The following LUZP2 variants were observed in gnomAD, a reference collection of about 807,000 sequenced individuals.
The protein encoded by LUZP2 is leucine zipper protein 2.
Under a neutral mutation model 51.6 loss-of-function variants are expected in LUZP2, and 52 were observed. The observed-to-expected ratio is 1.01, with a 90% CI of 0.81 to 1.27. The LOEUF (loss-of-function observed/expected upper bound fraction) is 1.27. LUZP2 is among the 50% of genes most tolerant of loss of function. LUZP2 has a pLI of 0.00. For missense variants in LUZP2, 436 were observed against 395.4 expected (o/e 1.10, Z -0.87); for synonymous variants, 154 against 137.3 (o/e 1.12, Z -0.85).
intron 5 of LUZP2, among the ~76,000 whole-genome samples, chr11:24,897,572 C>T (rs1853120624): frequency 1.3e-5 from 2 of 152,074 alleles, no homozygotes; most frequent in Non-Finnish European, 1.5e-5. Context: ...CTCCTGAAGC[C>T]AGGGAGACCA....
chr11:24,960,425 A>G (rs1855357651), intron 7 of LUZP2, among the ~76,000 whole-genome samples: 1 of 152,102 alleles, frequency 6.6e-6, no homozygotes, highest in African/African-American at 2.4e-5. Context: ...CCTCAATTTC[A>G]GCTCCTGTTA....
At chr11:25,072,871 A>G (rs1458231456) in intron 10 of LUZP2, among the ~76,000 whole-genome samples, 1 of 151,986 alleles carries the variant, frequency 6.6e-6, no homozygotes, top group Non-Finnish European at 1.5e-5. Context: ...TTTCTCAAGT[A>G]TCTTTTCTTT....
chr11:24,588,456 T>C (rs1476962416), intron 1 of LUZP2, among the ~76,000 whole-genome samples: 1 of 152,072 alleles, frequency 6.6e-6, no homozygotes, highest in Non-Finnish European at 1.5e-5. Flanking sequence ...TAAAAAATGA[T>C]TGCAAAGAAA....
chr11:24,674,413 T>C (rs997047537), intron 1 of LUZP2, among the ~76,000 whole-genome samples: 1 of 152,188 alleles, frequency 6.6e-6, no homozygotes, highest in Non-Finnish European at 1.5e-5. Context: ...TCCAGACAAG[T>C]GTCCCACCTT....
At chr11:24,499,381 A>C (rs1451900820) in intron 1 of LUZP2, among the ~76,000 whole-genome samples, 1 of 152,222 alleles carries the variant, frequency 6.6e-6, no homozygotes, top group East Asian at 1.9e-4. Flanking sequence ...AAAGATCTCT[A>C]ACAGAAGGCC....
At chr11:24,746,045 C>T (rs967956931) in intron 4 of LUZP2, among the ~76,000 whole-genome samples, 4 of 152,098 alleles carry the variant, frequency 2.6e-5, no homozygotes, top group African/African-American at 7.2e-5. Context: ...CATCAATGTT[C>T]GTACTGAGAT....
intron 1 of LUZP2, among the ~76,000 whole-genome samples, chr11:24,575,509 G>A (rs937112046): frequency 6.6e-6 from 1 of 152,120 alleles, no homozygotes; most frequent in Non-Finnish European, 1.5e-5. Flanking sequence ...GATTTAGAAT[G>A]ATTCATGATT....
At chr11:24,799,655 A>G (rs1303330180) in intron 5 of LUZP2, among the ~76,000 whole-genome samples, 1 of 152,044 alleles carries the variant, frequency 6.6e-6, no homozygotes, top group Non-Finnish European at 1.5e-5. Flanking sequence ...TAGGTCTGCT[A>G]AACACCAACT....
chr11:24,750,922 T>A (rs1178163532), intron 4 of LUZP2, among the ~76,000 whole-genome samples: 1 of 152,204 alleles, frequency 6.6e-6, no homozygotes, highest in Admixed American at 6.5e-5. Flanking sequence ...TAAATGATAT[T>A]CTTGACTTTC....
intron 9 of LUZP2, among the ~76,000 whole-genome samples, chr11:25,012,211 A>G (rs373474483): frequency 3.3e-5 from 5 of 152,282 alleles, no homozygotes; most frequent in South Asian, 4.1e-4. Context: ...GCAAAATATA[A>G]TAACCTCTTA....
chr11:24,687,023 G>C (rs1856916517), intron 1 of LUZP2, among the ~76,000 whole-genome samples: 3 of 152,158 alleles, frequency 2.0e-5, no homozygotes, highest in Admixed American at 6.6e-5. Flanking sequence ...TTATGATTAA[G>C]ATTTTAAGTG....
chr11:24,868,759 C>T (rs1414879555), intron 5 of LUZP2, among the ~76,000 whole-genome samples: 1 of 152,102 alleles, frequency 6.6e-6, no homozygotes, highest in Non-Finnish European at 1.5e-5. Flanking sequence ...TTACTTGCTA[C>T]AGGGAGTTCC....
chr11:25,024,518 G>A (rs1225928381), intron 9 of LUZP2, among the ~76,000 whole-genome samples: 4 of 152,186 alleles, frequency 2.6e-5, no homozygotes, highest in African/African-American at 4.8e-5. Context: ...CAAACAGAGA[G>A]CCAAATCATG....
chr11:25,077,103 C>G (rs1229055512), intron 10 of LUZP2, among the ~76,000 whole-genome samples: 1 of 152,160 alleles, frequency 6.6e-6, no homozygotes, highest in Non-Finnish European at 1.5e-5. Flanking sequence ...TAGTAGCTGA[C>G]TGCCATAAGC....
chr11:25,035,918 C>A (rs1857844499), intron 9 of LUZP2, among the ~76,000 whole-genome samples: 1 of 151,850 alleles, frequency 6.6e-6, no homozygotes. Flanking sequence ...GGATATTGGC[C>A]TACATTTTTT....
rs944423347 is a variant in LUZP2, at chr11:24,966,829, A to G, written c.523-9762A>G. ...TCCATTATATAATGTAAAAATATAT[A>G]TGTATACATTATATAATGGATATAT... On this transcript the variant is annotated intron_variant, in intron 7 of 11. Transcript: ENST00000336930. Among the ~76,000 whole-genome samples, 90 of 147,236 alleles carry G rather than the reference A, an allele frequency of 6.1e-4. 1 individual carries two copies. Among genetic ancestry groups the G allele is most frequent in the African/African-American group, 2.1e-3 (87 of 40,672 alleles).
At chr11:24,923,635 T>G (rs1854140023) in intron 7 of LUZP2, among the ~76,000 whole-genome samples, 1 of 151,968 alleles carries the variant, frequency 6.6e-6, no homozygotes, top group Admixed American at 6.6e-5. Flanking sequence ...AGGCAGAGGT[T>G]GCAGTGAGCC....
intron 5 of LUZP2, among the ~76,000 whole-genome samples, chr11:24,823,177 G>A (rs1850411954): frequency 6.6e-6 from 1 of 152,144 alleles, no homozygotes; most frequent in Non-Finnish European, 1.5e-5. Flanking sequence ...GGGACCAGCT[G>A]TTGTAGCAGG....
At chr11:24,791,490 A>G (rs1849408326) in intron 5 of LUZP2, among the ~76,000 whole-genome samples, 1 of 152,170 alleles carries the variant, frequency 6.6e-6, no homozygotes, top group South Asian at 2.1e-4. Context: ...TATGTTAACA[A>G]TATTAAATGT....
Sources: allele counts gnomAD v4.1 joint callset (sites outside exome capture counted in the v4.1 genomes callset), GRCh38; gene constraint gnomAD v4.1.1; transcripts MANE v1.5; gene names NCBI Gene and HGNC (gene_info 2026-07-23, HGNC 2026-07-21).